The following KIF25 variants were observed in gnomAD, a reference collection of about 807,000 sequenced individuals.
The protein encoded by KIF25 is kinesin family member 25.
In KIF25, 19 loss-of-function variants were observed where a neutral mutation model predicts 32.9. That is an observed-to-expected ratio of 0.58 (90% CI 0.40 to 0.85). The LOEUF (loss-of-function observed/expected upper bound fraction) is 0.85. Ranked by LOEUF, KIF25 falls within the 40% of genes least tolerant of loss-of-function variation. KIF25 has a pLI of 0.00. For missense variants in KIF25, 485 were observed against 507.0 expected, an observed-to-expected ratio of 0.96 and a Z score of 0.42; for synonymous variants, 225 against 213.7, an observed-to-expected ratio of 1.05 and a Z score of -0.46.
chr6:168,041,817 CT>C, intron 10 of KIF25, 151 bp from the exon 11 acceptor site: 1 of 705,068 alleles, frequency 1.4e-6, no homozygotes, highest in Admixed American at 2.8e-5. Context: ...CCACTATCCC[CT>C]GGACCTCTGC....
At chr6:168,016,954 C>G (rs756612600) in intron 4 of KIF25, among the ~76,000 whole-genome samples, 1 of 152,224 alleles carries the variant, frequency 6.6e-6, no homozygotes, top group Non-Finnish European at 1.5e-5. Context: ...AGAGACACGC[C>G]GGGGATTCCC....
rs547105627 is a variant in KIF25, at chr6:168,039,630, A to G, written c.495-435A>G. ...CAAAATTTGAGCCTTTGACTGACAG[A>G]CTGTGATGGAAATGTTATCTCCTGC... On this transcript the variant is annotated intron_variant, in intron 9 of 12. Transcript: ENST00000643607. 1.7e-3 allele frequency among the ~76,000 whole-genome samples: 258 copies of G among 152,372 alleles called. 1 individual carries two copies. Among genetic ancestry groups the G allele is most frequent in the African/African-American group, 5.6e-3 (232 of 41,588 alleles).
In KIF25 at chr6:167,998,447, A is replaced by T. The variant is rs545472322; in HGVS notation, c.-1022A>T. ...TGTAGAAGGAGCTGCTCAGCATGAC[A>T]GGGTGGATAAACTTGCTGTGGATCC... On this transcript the variant is annotated 5_prime_UTR_variant, in exon 1 of 13. Transcript: ENST00000643607. The T allele has an allele frequency of 6.6e-6, 1 of 152,344 alleles. No homozygotes were observed. Among genetic ancestry groups the T allele is most frequent in the Non-Finnish European group, 1.5e-5 (1 of 68,040 alleles). The allele number at this position is 152,344 out of a possible 1,614,324, so 9.4% of individuals were successfully genotyped here.
At chr6:168,012,953 GGATGTGTCCACCAGGGGT>G (rs1798667690) in intron 4 of KIF25, among the ~76,000 whole-genome samples, 1 of 152,142 alleles carries the variant, frequency 6.6e-6, no homozygotes, top group Non-Finnish European at 1.5e-5. Flanking sequence ...GGCTGGCCTG[GGATGTGTCCACCAGGGGT>G]GAACTATGCG....
intron 5 of KIF25, among the ~76,000 whole-genome samples, chr6:168,022,107 T>G (rs975519706): frequency 6.6e-6 from 1 of 152,238 alleles, no homozygotes; most frequent in African/African-American, 2.4e-5. Context: ...CTTTCTCTCC[T>G]TCTATCTATA....
At chr6:168,041,889 T>G in intron 10 of KIF25, 80 bp from the exon 11 acceptor site, 1 of 1,416,926 alleles carries the variant, frequency 7.1e-7, no homozygotes, top group East Asian at 2.5e-5. Context: ...CAGAAGCTTC[T>G]CGGCTCTGAC....
intron 5 of KIF25, among the ~76,000 whole-genome samples, chr6:168,019,410 T>C (rs1237240044): frequency 6.6e-6 from 1 of 152,002 alleles, no homozygotes; most frequent in Non-Finnish European, 1.5e-5. Flanking sequence ...GTAAACACGT[T>C]GAGTGGAGAT....
Position 168,022,767 on chromosome 6 carries a change from TG to T in KIF25, c.-95+4728del, listed in dbSNP as rs1288617910. Among the ~76,000 whole-genome samples, 11 of 143,222 alleles carry T rather than the reference TG, an allele frequency of 7.7e-5. No homozygotes were observed. The East Asian group carries it at 1.8e-3, about 23-fold the overall frequency. The allele number at this position is 143,222 out of a possible 152,430, so 94.0% of individuals were successfully genotyped here. On this transcript the variant is annotated intron_variant, in intron 5 of 12. Transcript: ENST00000643607. ...AGTTTTTTTGATTGTTTGTTGTTGT[TG>T]TTTTTTTTTTTTTTTTTGGTAGGAG...
chr6:168,012,429 T>C (rs1798659961), intron 4 of KIF25, among the ~76,000 whole-genome samples: 1 of 152,200 alleles, frequency 6.6e-6, no homozygotes, highest in African/African-American at 2.4e-5. Flanking sequence ...CTAGTGGTGT[T>C]TGTGAGTTTC....
At position 168,029,640 on chromosome 6, in the gene KIF25, G is replaced by A. The variant is rs1233034042; in HGVS notation, c.55G>A (p.Gly19Arg). Reference sequence around the variant, plus strand: ...TGAGAAGCAGGCCAGGCCTGGGTCTGGAGCCGTCCTGGCCTTCCCAGATGA... The same window carrying A: ...TGAGAAGCAGGCCAGGCCTGGGTCTAGAGCCGTCCTGGCCTTCCCAGATGA... ...QREKQARPGS[G>R]AVLAFPDDKD... The change falls in exon 6 of 13, where the codon GGA becomes AGA. Residue 19 changes from glycine (G) to arginine (R), a missense_variant. By Grantham distance (125) the Gly-to-Arg change is moderately radical (BLOSUM62 -2). Around this residue, in one of 2 missense-constraint regions of KIF25, gnomAD observed 5 missense variants for 36.7 expected, o/e 0.14. Transcript: ENST00000643607. 1 of 1,605,172 alleles carries A rather than the reference G, an allele frequency of 6.2e-7. No individual in the cohort carries two copies.
chr6:168,033,615 C>T (rs763713672), intron 7 of KIF25, among the ~76,000 whole-genome samples: 1 of 152,014 alleles, frequency 6.6e-6, no homozygotes, highest in African/African-American at 2.4e-5. Context: ...ATGAAAACAC[C>T]CAGGAGAAAC....
rs1798908828 is a variant in KIF25, at chr6:168,029,498, T to C, written c.-88T>C. 1.9e-6 allele frequency: 3 copies of C among 1,551,968 alleles called. No individual in the cohort carries two copies. The highest frequency in any genetic ancestry group is 1.4e-5 in the African/African-American group (1 of 72,934). On this transcript the variant is annotated 5_prime_UTR_variant, in exon 6 of 13. Transcript: ENST00000643607. ...AAGTCATGATCCTTTACAGATATAC[T>C]GGCCTTCCCAGCTGACATGGACCTC...
intron 4 of KIF25, among the ~76,000 whole-genome samples, chr6:168,009,526 A>G (rs1228799396): frequency 6.6e-6 from 1 of 152,026 alleles, no homozygotes; most frequent in African/African-American, 2.4e-5. Context: ...GTTGGCCTAT[A>G]GTTTTTTGTT....
At chr6:168,042,858 C>A in intron 12 of KIF25, 142 bp downstream of exon 12, 3 of 973,466 alleles carry the variant, frequency 3.1e-6, no homozygotes, top group South Asian at 1.7e-5. Context: ...AGCTGGCACT[C>A]CCACGGCACG....
intron 7 of KIF25, among the ~76,000 whole-genome samples, chr6:168,033,644 G>T (rs779112042): frequency 6.6e-6 from 1 of 152,166 alleles, no homozygotes. Flanking sequence ...ATGAACCCAC[G>T]CTGTGTGTGT....
In KIF25 at chr6:168,043,181, T is replaced by A. The variant is rs555476979; in HGVS notation, c.985+465T>A. Among the ~76,000 whole-genome samples the A allele has an allele frequency of 3.2e-4, 48 of 152,278 alleles. No homozygotes were observed. In the South Asian group the frequency reaches 3.5e-3, roughly 11 times the overall value. On this transcript the variant is annotated intron_variant, in intron 12 of 12. Coordinates refer to ENST00000643607, the MANE Select transcript of KIF25 (RefSeq NM_030615.4). ...CACAGGCGGCCCCTGTGTGGAGTCA[T>A]CCAGCTGTGGCTGGATCTGGGCTTT... is the stretch of plus-strand genomic sequence containing the variant.
chr6:168,041,418 C>T (rs747432004), intron 10 of KIF25, among the ~76,000 whole-genome samples: 9 of 152,162 alleles, frequency 5.9e-5, no homozygotes, highest in Non-Finnish European at 1.2e-4. Flanking sequence ...GATACAGGGG[C>T]GGTGTGGCTG....
intron 4 of KIF25, among the ~76,000 whole-genome samples, chr6:168,017,286 C>T (rs1376980575): frequency 6.6e-6 from 1 of 152,214 alleles, no homozygotes; most frequent in East Asian, 1.9e-4. Context: ...AATCCAGTGC[C>T]TCTGGGTTAT....
chr6:168,040,610 A>C (rs1184564864), intron 10 of KIF25, among the ~76,000 whole-genome samples: 1 of 152,088 alleles, frequency 6.6e-6, no homozygotes, highest in Non-Finnish European at 1.5e-5. Context: ...GCATGCCTGC[A>C]GCATCCAAGG....
Sources: allele counts gnomAD v4.1 joint callset (sites outside exome capture counted in the v4.1 genomes callset), GRCh38; gene constraint gnomAD v4.1.1; regional missense constraint gnomAD v4.1.1; transcripts MANE v1.5; gene names NCBI Gene and HGNC (gene_info 2026-07-23, HGNC 2026-07-21).